The following NFIC variants were observed in gnomAD, a reference collection of about 807,000 sequenced individuals.
The protein encoded by NFIC is nuclear factor I C, also known as nuclear factor 1 C-type.
Under a neutral mutation model 54.4 loss-of-function variants are expected in NFIC, and 12 were observed. The ratio of observed to expected loss-of-function variants is 0.22; its 90% CI spans 0.14 to 0.36. NFIC has a LOEUF of 0.36. NFIC is among the 10% of genes least tolerant of loss of function. The probability of loss-of-function intolerance (pLI) is 1.00; values close to 1 mark genes in which losing one functional copy is unlikely to be tolerated. For synonymous variants in NFIC, 322 were observed against 319.2 expected, an observed-to-expected ratio of 1.01 and a Z score of -0.09; for missense variants, 575 against 718.2, an observed-to-expected ratio of 0.80 and a Z score of 2.28.
intron 2 of NFIC, among the ~76,000 whole-genome samples, chr19:3,414,618 TAAAATAAAA>T (rs2081820831): frequency 6.8e-6 from 1 of 146,378 alleles, no homozygotes; most frequent in Non-Finnish European, 1.5e-5. Context: ...TAAAATAAAA[TAAAATAAAA>T]TAAAATAAAA....
chr19:3,414,714 T>C (rs1041494960), intron 2 of NFIC, among the ~76,000 whole-genome samples: 2 of 152,194 alleles, frequency 1.3e-5, no homozygotes, highest in African/African-American at 4.8e-5. Context: ...GCTCATCTAA[T>C]GTCAGAACCC....
chr19:3,400,960 T>TGAAA (rs1431004648), intron 2 of NFIC, among the ~76,000 whole-genome samples: 5 of 152,232 alleles, frequency 3.3e-5, no homozygotes, highest in African/African-American at 1.2e-4. Context: ...GGGAGGTCCC[T>TGAAA]GAAAGGCTGT....
upstream of NFIC, among the ~76,000 whole-genome samples, chr19:3,365,276 G>A (rs1321942684): frequency 6.6e-6 from 1 of 152,230 alleles, no homozygotes; most frequent in African/African-American, 2.4e-5. Flanking sequence ...TCAGAGAGAT[G>A]AGGTGAAATG....
At chr19:3,392,529 C>T (rs2081391906) in intron 2 of NFIC, among the ~76,000 whole-genome samples, 1 of 152,220 alleles carries the variant, frequency 6.6e-6, no homozygotes, top group African/African-American at 2.4e-5. Context: ...TGGGGACTCC[C>T]GAGACAGCCC....
chr19:3,361,829 C>T (rs1220986259), upstream of NFIC, among the ~76,000 whole-genome samples: 1 of 151,972 alleles, frequency 6.6e-6, no homozygotes, highest in Non-Finnish European at 1.5e-5. Context: ...GTGGGACACA[C>T]GTGCATGCAG....
rs113432953 is a variant in NFIC at position 3,459,626 on chromosome 19, G to A, written c.1509+2991G>A. Among the ~76,000 whole-genome samples, 1,907 of 152,126 alleles carry A rather than the reference G, an allele frequency of 0.013. 32 individuals carry two copies. The highest frequency in any genetic ancestry group is 0.042 in the African/African-American group (1,752 of 41,516). The stretch of plus-strand genomic sequence containing the variant: ...TTGAGGGTGCCCCCACCCCACCCCC[G>A]CCCCATTGCTGGGGCCACAGCCAGG... On this transcript the variant is annotated intron_variant, in intron 10 of 10. Coordinates refer to ENST00000443272, the MANE Select transcript of NFIC (RefSeq NM_001245002.2). The surrounding 1 kb of genome is among the most constrained non-coding windows in gnomAD (Gnocchi z 4.2).
chr19:3,373,711 G>C (rs765558364), intron 1 of NFIC, among the ~76,000 whole-genome samples: 36 of 144,248 alleles, frequency 2.5e-4, no homozygotes, highest in Non-Finnish European at 4.6e-4. Flanking sequence ...CCAACTTGAC[G>C]TTTTATTACA....
chr19:3,438,678 C>A (rs2082245318), intron 6 of NFIC, among the ~76,000 whole-genome samples: 1 of 151,984 alleles, frequency 6.6e-6, no homozygotes, highest in South Asian at 2.1e-4. Context: ...ACCTCGTGAT[C>A]CGCCCATCTC....
intron 2 of NFIC, among the ~76,000 whole-genome samples, chr19:3,411,399 T>C (rs1019476370): frequency 1.4e-5 from 2 of 143,626 alleles, no homozygotes; most frequent in Non-Finnish European, 3.0e-5. Context: ...ACGATCTCGG[T>C]TCACTGCAAC....
chr19:3,424,175 G>A lies in NFIC; in HGVS notation c.563-931G>A, dbSNP rs114407968. ...CCTGAGTAGCTGGGATTCCAGGAGC[G>A]TGCCACCATGCCCGGCTAATTTTTA... On this transcript the variant is annotated intron_variant, in intron 2 of 10. Transcript: ENST00000443272. Among the ~76,000 whole-genome samples the A allele has an allele frequency of 3.5e-3, 531 of 151,800 alleles. 1 individual carries two copies. The highest frequency in any genetic ancestry group is 0.012 in the African/African-American group (515 of 41,406).
rs1379482759 is a variant in NFIC, at chr19:3,366,645, G to A, written c.9G>A (p.Ser3=). The part of the protein sequence containing the change: MY[S]SPLCLTQDEF... Reference sequence around the variant, plus strand: ...CTCCCGCCGCGCCCGGGATGTATTCGTCCCCGCTCTGCCTCACCCAGGTAC... The same window carrying A: ...CTCCCGCCGCGCCCGGGATGTATTCATCCCCGCTCTGCCTCACCCAGGTAC... The change falls in exon 1 of 11, where the codon TCG becomes TCA. Residue 3 remains serine (S), a synonymous_variant. Coordinates refer to ENST00000443272, the MANE Select transcript of NFIC (RefSeq NM_001245002.2). 1 of 1,493,126 alleles carries A rather than the reference G, an allele frequency of 6.7e-7. No homozygotes were observed. The highest frequency in any genetic ancestry group is 8.9e-7 in the Non-Finnish European group (1 of 1,127,266). The allele number at this position is 1,493,126 out of a possible 1,614,324, so 92.5% of individuals were successfully genotyped here.
chr19:3,443,884 C>T (rs572424589), intron 6 of NFIC, among the ~76,000 whole-genome samples: 30 of 152,328 alleles, frequency 2.0e-4, no homozygotes, highest in African/African-American at 5.5e-4. Flanking sequence ...GCACTGTCAA[C>T]GCCCCGTGGT....
exon 1 of NFIC, chr19:3,359,646 CGCT>C: frequency 2.2e-6 from 3 of 1,360,980 alleles, no homozygotes; most frequent in Non-Finnish European, 2.9e-6. Context: ...CGAGCGCGCT[CGCT>C]CCGGCGCCGG....
chr19:3,463,093 G>T lies in NFIC; in HGVS notation c.*324G>T. 8.7e-6 allele frequency: 11 copies of T among 1,271,440 alleles called. No homozygotes were observed. The South Asian group carries it at 2.0e-4, about 23-fold the overall frequency. 78.8% of individuals were successfully genotyped at this position (1,271,440 alleles called of 1,614,324 possible). On this transcript the variant is annotated 3_prime_UTR_variant, in exon 11 of 11. Coordinates refer to ENST00000443272, the MANE Select transcript of NFIC (RefSeq NM_001245002.2). ...CCCGCCACCCCCACGGGAGACCCGG[G>T]ACAGGGCGTCTTCCTAAGTTATTCA...
intron 6 of NFIC, among the ~76,000 whole-genome samples, chr19:3,438,279 G>T (rs948866875): frequency 1.5e-5 from 2 of 132,330 alleles, no homozygotes; most frequent in African/African-American, 2.6e-5. Context: ...TGGTAGCAAT[G>T]GGGGGAGGAC....
chr19:3,399,716 A>C (rs2081524085), intron 2 of NFIC, among the ~76,000 whole-genome samples: 1 of 151,886 alleles, frequency 6.6e-6, no homozygotes. Flanking sequence ...TACTAAAAAT[A>C]CAAAAATTAG....
intron 6 of NFIC, among the ~76,000 whole-genome samples, chr19:3,444,666 G>T (rs1477505006): frequency 6.6e-6 from 1 of 152,174 alleles, no homozygotes; most frequent in Non-Finnish European, 1.5e-5. Flanking sequence ...GGGATGTGGC[G>T]GCCGGGGGTG....
chr19:3,441,498 T>C (rs1485200080), intron 6 of NFIC, among the ~76,000 whole-genome samples: 1 of 152,256 alleles, frequency 6.6e-6, no homozygotes. Context: ...CCTGGGCCTC[T>C]CCCCATCGCT....
chr19:3,455,983 C>T (rs1038518485), intron 9 of NFIC, among the ~76,000 whole-genome samples: 27 of 152,186 alleles, frequency 1.8e-4, no homozygotes, highest in African/African-American at 4.8e-5. Flanking sequence ...CTTCTTCTCC[C>T]CCTACCTGGG....
Sources: gnomAD v4.1 joint callset for allele counts (sites outside exome capture counted in the v4.1 genomes callset) on GRCh38, gnomAD v4.1.1 for gene constraint, Gnocchi (gnomAD v3.1) non-coding constraint, MANE v1.5 for transcripts, NCBI Gene and HGNC (gene_info 2026-07-23, HGNC 2026-07-21) for gene names.